Variants in TEX14 observed in about 807,000 individuals in gnomAD.
The protein encoded by TEX14 is testis expressed 14, intercellular bridge forming factor.
A neutral mutation model predicts 178.6 loss-of-function variants in TEX14; 168 were observed. That is an observed-to-expected ratio of 0.94 (90% CI 0.83 to 1.07). The LOEUF (loss-of-function observed/expected upper bound fraction) is 1.07, where lower values mean the gene tolerates loss of function less well. Ranked by LOEUF, TEX14 falls within the 50% of genes least tolerant of loss-of-function variation. The pLI is 0.00. For missense variants in TEX14, 1,730 were observed against 1,753.6 expected (o/e 0.99, Z 0.24); for synonymous variants, 626 against 634.1 (o/e 0.99, Z 0.19).
rs1419857446 is a variant in TEX14 at position 58,615,365 on chromosome 17, T to C, written c.768-20A>G. On this transcript the variant is annotated intron_variant, in intron 7 of 31. Transcript: ENST00000349033. ...ACTAGGCTACAAGGACAGGAAAGAG[T>C]TTCAGCAGAAAGGAGTGAGCAGCCA... 1 of 1,497,542 alleles carries C rather than the reference T, an allele frequency of 6.7e-7. No individual in the cohort carries two copies. The highest frequency in any genetic ancestry group is 1.1e-5 in the South Asian group (1 of 88,580). The allele number at this position is 1,497,542 out of a possible 1,614,324, so 92.8% of individuals were successfully genotyped here. A position where few individuals can be genotyped will look rare whatever the true frequency, so the allele number is the denominator to read the frequency against.
At chr17:58,659,297 C>G (rs546380634) in intron 1 of TEX14, 12 of 968,296 alleles carry the variant, frequency 1.2e-5, no homozygotes, top group African/African-American at 1.8e-5. Context: ...TCCCCCGCCA[C>G]AAAGACATTA....
chr17:58,570,894 G>C (rs1385854697), intron 24 of TEX14, among the ~76,000 whole-genome samples: 1 of 152,070 alleles, frequency 6.6e-6, no homozygotes, highest in Non-Finnish European at 1.5e-5. Context: ...GCTTCCCAAA[G>C]TGGTGGGATT....
At chr17:58,661,587 C>T in intron 1 of TEX14, 1 of 725,614 alleles carries the variant, frequency 1.4e-6, no homozygotes, top group Non-Finnish European at 2.5e-6. Context: ...AACTCGTCTT[C>T]AGCAGCTGCC....
At chr17:58,579,177 T>C (rs930805960) in intron 20 of TEX14, among the ~76,000 whole-genome samples, 2 of 152,258 alleles carry the variant, frequency 1.3e-5, no homozygotes, top group Admixed American at 6.5e-5. Flanking sequence ...ATCTGCATTG[T>C]TAACTGTTAC....
chr17:58,680,467 C>T (rs1196563634), intron 1 of TEX14, among the ~76,000 whole-genome samples: 2 of 152,134 alleles, frequency 1.3e-5, no homozygotes, highest in Admixed American at 1.3e-4. Flanking sequence ...GCAGGCCGGA[C>T]GCTGTGACTC....
chr17:58,644,989 C>CTTT (rs1162304177), intron 2 of TEX14, among the ~76,000 whole-genome samples: 1 of 135,544 alleles, frequency 7.4e-6, no homozygotes. Context: ...TTTTTCTTAA[C>CTTT]TTTTTTTTTT....
chr17:58,621,689 A>G lies in TEX14; in HGVS notation c.515T>C (p.Leu172Pro). ...CCCACACCAGGACGGGCTGTAGACA[A>G]GCCGCTGCGGGGAGTCTATCTTCTT... ...LLKKIDSPQRLVYSPSWCGGL... is the reference protein window; with the variant it reads ...LLKKIDSPQRPVYSPSWCGGL... The change falls in exon 5 of 32, where the codon CTT becomes CCT. Residue 172 changes from leucine (L) to proline (P), a missense_variant. By Grantham distance (98) the Leu-to-Pro change is moderately conservative. Around this residue, in one of 2 missense-constraint regions of TEX14, gnomAD observed 789 missense variants for 681.2 expected, o/e 1.16. Transcript: ENST00000349033. 6.2e-7 allele frequency: 1 copy of G among 1,614,156 alleles called. No homozygotes were observed.
intron 5 of TEX14, among the ~76,000 whole-genome samples, chr17:58,618,381 G>C (rs1367757158): frequency 6.6e-6 from 1 of 152,204 alleles, no homozygotes; most frequent in East Asian, 1.9e-4. Flanking sequence ...AAATGCAGCA[G>C]TGACCAGACA....
At chr17:58,583,606 G>A (rs756297436) in intron 19 of TEX14, among the ~76,000 whole-genome samples, 2 of 152,070 alleles carry the variant, frequency 1.3e-5, no homozygotes, top group Non-Finnish European at 2.9e-5. Flanking sequence ...TAATTTCCTC[G>A]GACACTGCTT....
At chr17:58,661,522 G>A in intron 1 of TEX14, 2 of 778,538 alleles carry the variant, frequency 2.6e-6, no homozygotes, top group Non-Finnish European at 4.8e-6. Flanking sequence ...CTTCGACTTC[G>A]TCCAGAAGCT....
intron 20 of TEX14, among the ~76,000 whole-genome samples, chr17:58,578,083 T>C (rs1249759484): frequency 6.6e-6 from 1 of 152,126 alleles, no homozygotes; most frequent in Non-Finnish European, 1.5e-5. Context: ...AGGGGGCAGA[T>C]GGAGCATCCA....
intron 2 of TEX14, among the ~76,000 whole-genome samples, chr17:58,649,800 C>T (rs548480552): frequency 9.4e-5 from 14 of 149,550 alleles, no homozygotes; most frequent in African/African-American, 3.2e-4. Context: ...AGTGCAGTGG[C>T]GCGATCTCAG....
chr17:58,637,232 A>C (rs1658351166), intron 2 of TEX14, among the ~76,000 whole-genome samples: 2 of 151,802 alleles, frequency 1.3e-5, no homozygotes, highest in African/African-American at 4.9e-5. Flanking sequence ...AAAACAAAAA[A>C]CAAAAAAACA....
intron 7 of TEX14, 60 bp downstream of exon 7, chr17:58,616,115 A>G (rs2045865918): frequency 6.5e-7 from 1 of 1,550,336 alleles, no homozygotes; most frequent in Non-Finnish European, 8.7e-7. Context: ...AGGAAGTCAC[A>G]TGCAGCCCAC....
At chr17:58,568,120 C>T (rs2044441170) in intron 26 of TEX14, among the ~76,000 whole-genome samples, 1 of 152,160 alleles carries the variant, frequency 6.6e-6, no homozygotes, top group South Asian at 2.1e-4. Context: ...CAAGGACTGC[C>T]TAGGGAATCC....
intron 19 of TEX14, chr17:58,581,484 C>T: frequency 1.9e-6 from 2 of 1,076,342 alleles, no homozygotes; most frequent in Non-Finnish European, 2.7e-6. Context: ...ACTCCTGACA[C>T]CAAAAAAGGT....
chr17:58,661,667 AT>A (rs2047114535), intron 1 of TEX14: 2 of 619,194 alleles, frequency 3.2e-6, no homozygotes, highest in African/African-American at 1.8e-5. Flanking sequence ...TCTGGCGTAG[AT>A]TTCTAACAAC....
At position 58,569,299 on chromosome 17, in the gene TEX14, AC is replaced by A; in HGVS notation, c.3818-40del. 1.3e-6 allele frequency: 2 copies of A among 1,525,420 alleles called. No individual in the cohort carries two copies. Among genetic ancestry groups the A allele is most frequent in the Non-Finnish European group, 1.8e-6 (2 of 1,101,386 alleles). The allele number at this position is 1,525,420 out of a possible 1,614,324, so 94.5% of individuals were successfully genotyped here. A position where few individuals can be genotyped will look rare whatever the true frequency, so the allele number is the denominator to read the frequency against. ...AAGACAAAAGGGAAAATGTCTTAAC[AC>A]CCTCCTGGACCTGAACTGAATTTTT... is the stretch of plus-strand genomic sequence containing the variant. On this transcript the variant is annotated intron_variant, in intron 25 of 31. Transcript: ENST00000349033. The surrounding 1 kb of genome is among the most constrained non-coding windows in gnomAD (Gnocchi z 4.1).
chr17:58,640,711 G>T (rs572998627), intron 2 of TEX14, among the ~76,000 whole-genome samples: 1 of 151,954 alleles, frequency 6.6e-6, no homozygotes, highest in East Asian at 1.9e-4. Flanking sequence ...GAAACAGAGA[G>T]ACGTGGTGGC....
Sources: gnomAD v4.1 joint callset for allele counts (sites outside exome capture counted in the v4.1 genomes callset) on GRCh38, gnomAD v4.1.1 for gene constraint, gnomAD v4.1.1 regional missense constraint, Gnocchi (gnomAD v3.1) non-coding constraint, MANE v1.5 for transcripts, NCBI Gene and HGNC (gene_info 2026-07-23, HGNC 2026-07-21) for gene names.